TRAPPC9: variants seen among roughly 807,000 people sequenced by gnomAD.
The protein encoded by TRAPPC9 is IKK2 binding protein.
Under a neutral mutation model 124.0 loss-of-function variants are expected in TRAPPC9, and 83 were observed. The ratio of observed to expected loss-of-function variants is 0.67; its 90% confidence interval spans 0.56 to 0.80. The LOEUF (loss-of-function observed/expected upper bound fraction) is 0.80. TRAPPC9 is among the 30% of genes least tolerant of loss of function. The probability of loss-of-function intolerance (pLI) is 0.00; values close to 1 mark genes in which losing one functional copy is unlikely to be tolerated. For synonymous variants in TRAPPC9, 638 were observed against 617.5 expected (o/e 1.03, Z -0.49); for missense variants, 1,302 against 1,508.3 (o/e 0.86, Z 2.27).
At chr8:140,352,280 C>T (rs1042572840) in intron 9 of TRAPPC9, among the ~76,000 whole-genome samples, 1 of 152,312 alleles carries the variant, frequency 6.6e-6, no homozygotes. Context: ...CATGAGTTAG[C>T]TCTCAAAAAC....
rs1276030468 is a variant in TRAPPC9 at position 140,052,519 on chromosome 8, T to C, written c.2557-28440A>G. Among the ~76,000 whole-genome samples the C allele has an allele frequency of 3.9e-5, 6 of 152,186 alleles. 1 individual carries two copies. The highest frequency in any genetic ancestry group is 2.6e-4 in the Admixed American group (4 of 15,284). ...AGTCAGGGCTGGGTGTGGTGGCTCA[T>C]GCCTGTAATCCCAGCACTTTGGGAG... On this transcript the variant is annotated intron_variant, in intron 17 of 22. Coordinates refer to ENST00000438773, the MANE Select transcript of TRAPPC9 (RefSeq NM_001160372.4).
intron 15 of TRAPPC9, among the ~76,000 whole-genome samples, chr8:140,266,726 G>C (rs1279799354): frequency 6.7e-6 from 1 of 150,356 alleles, no homozygotes; most frequent in Non-Finnish European, 1.5e-5. Context: ...CGGGCGTGGT[G>C]GTGGGTGCCT....
chr8:140,210,542 C>T (rs770569357), intron 17 of TRAPPC9, among the ~76,000 whole-genome samples: 1 of 152,098 alleles, frequency 6.6e-6, no homozygotes, highest in Non-Finnish European at 1.5e-5. Flanking sequence ...TGTCCCCCCA[C>T]GCCCCCGCTA....
intron 17 of TRAPPC9, among the ~76,000 whole-genome samples, chr8:140,071,428 G>C (rs139232085): frequency 6.6e-6 from 1 of 152,312 alleles, no homozygotes; most frequent in Non-Finnish European, 1.5e-5. Context: ...TGGCAGAAAA[G>C]AACAGGCACT....
intron 17 of TRAPPC9, among the ~76,000 whole-genome samples, chr8:140,044,661 C>T (rs567959765): frequency 2.0e-5 from 3 of 152,358 alleles, no homozygotes; most frequent in East Asian, 1.9e-4. Flanking sequence ...ACATAAATGA[C>T]GAAAGCAACA....
chr8:140,454,936 T>TAA (rs57108334), intron 1 of TRAPPC9, among the ~76,000 whole-genome samples: 16 of 127,634 alleles, frequency 1.3e-4, no homozygotes, highest in African/African-American at 2.0e-4. Flanking sequence ...TAAGACTCTT[T>TAA]AAAAAAAAAA....
chr8:140,190,982 G>T (rs1029310892), intron 17 of TRAPPC9, among the ~76,000 whole-genome samples: 1 of 152,132 alleles, frequency 6.6e-6, no homozygotes, highest in Non-Finnish European at 1.5e-5. Context: ...CCAAAGTCAC[G>T]TCTGCTGTTA....
At chr8:140,076,625 G>A (rs961068155) in intron 17 of TRAPPC9, among the ~76,000 whole-genome samples, 2 of 152,138 alleles carry the variant, frequency 1.3e-5, no homozygotes, top group Non-Finnish European at 2.9e-5. Flanking sequence ...GACAACACCC[G>A]ATTCCTAGGC....
At chr8:139,786,542 C>A (rs1035591349) in intron 21 of TRAPPC9, among the ~76,000 whole-genome samples, 11 of 152,036 alleles carry the variant, frequency 7.2e-5, no homozygotes, top group African/African-American at 2.4e-4. Context: ...CCTGACCTAG[C>A]AATTCTACTC....
chr8:140,041,538 G>A (rs1402593346), intron 17 of TRAPPC9, among the ~76,000 whole-genome samples: 4 of 152,256 alleles, frequency 2.6e-5, no homozygotes, highest in Non-Finnish European at 5.9e-5. Context: ...CTGAACTCAA[G>A]GCCAAGGCCT....
chr8:140,071,193 C>T (rs6987905), intron 17 of TRAPPC9, among the ~76,000 whole-genome samples: 11,273 of 152,222 alleles, frequency 0.074, 515 homozygotes, highest in African/African-American at 0.12. Flanking sequence ...TCATGTCTGG[C>T]TTATATTGAA....
intron 19 of TRAPPC9, among the ~76,000 whole-genome samples, chr8:139,924,892 G>A (rs1397409277): frequency 6.6e-6 from 1 of 152,172 alleles, no homozygotes; most frequent in Non-Finnish European, 1.5e-5. Context: ...TGAGTTACTG[G>A]AAACGGCCTT....
chr8:139,980,004 C>T (rs1400635691), intron 19 of TRAPPC9, among the ~76,000 whole-genome samples: 1 of 152,068 alleles, frequency 6.6e-6, no homozygotes, highest in Non-Finnish European at 1.5e-5. Context: ...CTCCCTGGGC[C>T]TCCCCTTGCC....
At chr8:139,964,462 G>A (rs2131578981) in intron 19 of TRAPPC9, among the ~76,000 whole-genome samples, 1 of 152,222 alleles carries the variant, frequency 6.6e-6, no homozygotes, top group South Asian at 2.1e-4. Flanking sequence ...CAGTGGCTAT[G>A]ATCTAAGAAG....
At chr8:140,272,261 G>T (rs1040433406) in intron 15 of TRAPPC9, among the ~76,000 whole-genome samples, 1 of 146,854 alleles carries the variant, frequency 6.8e-6, no homozygotes, top group Non-Finnish European at 1.5e-5. Flanking sequence ...GGTTGGGGTG[G>T]TGTTTGTGGT....
Position 140,316,123 on chromosome 8 carries a change from A to G in TRAPPC9, c.1496-4749T>C, listed in dbSNP as rs970915420. Reference sequence around the variant, plus strand: ...GTGCTGTTGAATACAAGTTTCTGATAACTTTGGAGACTGTGACATCAGAAT... The same window carrying G: ...GTGCTGTTGAATACAAGTTTCTGATGACTTTGGAGACTGTGACATCAGAAT... On this transcript the variant is annotated intron_variant, in intron 9 of 22. Coordinates refer to ENST00000438773, the MANE Select transcript of TRAPPC9 (RefSeq NM_001160372.4). Among the ~76,000 whole-genome samples the G allele has an allele frequency of 5.9e-5, 9 of 152,242 alleles. No individual in the cohort carries two copies. In the East Asian group the frequency reaches 1.7e-3, roughly 29 times the overall value.
intron 7 of TRAPPC9, among the ~76,000 whole-genome samples, chr8:140,373,723 T>C (rs1170495627): frequency 5.3e-5 from 8 of 151,622 alleles, no homozygotes; most frequent in Admixed American, 5.2e-4. Context: ...ATATCAGTCT[T>C]TTTTATTTTA....
At chr8:140,266,188 G>A (rs1208596414) in intron 15 of TRAPPC9, among the ~76,000 whole-genome samples, 2 of 152,152 alleles carry the variant, frequency 1.3e-5, no homozygotes, top group Non-Finnish European at 2.9e-5. Flanking sequence ...CAGGCATGGT[G>A]GGTCACGCCT....
chr8:139,830,438 C>T (rs1183515514), intron 21 of TRAPPC9, among the ~76,000 whole-genome samples: 2 of 152,046 alleles, frequency 1.3e-5, no homozygotes, highest in Non-Finnish European at 2.9e-5. Context: ...CACGCAAATA[C>T]ACATGCACAC....
Sources: allele counts gnomAD v4.1 joint callset (sites outside exome capture counted in the v4.1 genomes callset), GRCh38; gene constraint gnomAD v4.1.1; transcripts MANE v1.5; gene names NCBI Gene and HGNC (gene_info 2026-07-23, HGNC 2026-07-21).